Variants in PAPOLA observed in about 807,000 individuals in gnomAD.
PAPOLA encodes the protein poly(A) polymerase alpha.
Under a neutral mutation model 100.6 loss-of-function variants are expected in PAPOLA, and 15 were observed. The observed-to-expected ratio is 0.15, with a 90% confidence interval of 0.10 to 0.23. PAPOLA has a LOEUF of 0.23. Ranked by LOEUF, PAPOLA falls within the 10% of genes least tolerant of loss-of-function variation. PAPOLA has a pLI of 1.00. For missense variants in PAPOLA, 533 were observed against 884.2 expected, an observed-to-expected ratio of 0.60 and a Z score of 5.04; for synonymous variants, 293 against 300.0, an observed-to-expected ratio of 0.98 and a Z score of 0.24.
Position 96,525,393 on chromosome 14 carries a change from T to G in PAPOLA, c.331+2T>G. The G allele has an allele frequency of 7.9e-7, 1 of 1,259,980 alleles. No homozygotes were observed. The highest frequency in any genetic ancestry group is 1.1e-6 in the Non-Finnish European group (1 of 886,468). 78.1% of individuals were successfully genotyped at this position (1,259,980 alleles called of 1,614,324 possible). A position where few individuals can be genotyped will look rare whatever the true frequency, so the allele number is the denominator to read the frequency against. On this transcript the variant is annotated splice_donor_variant, in intron 4 of 21. Transcript: ENST00000216277. LOFTEE classifies it high-confidence loss of function. ...ACAGATTAGGAGTGCATACAAAAGGTAAGTATTATTTCATTTTTCTTAGAA... is the reference window on the plus strand; with the variant it reads ...ACAGATTAGGAGTGCATACAAAAGGGAAGTATTATTTCATTTTTCTTAGAA...
chr14:96,556,342 C>T lies in PAPOLA; in HGVS notation c.1933C>T (p.Pro645Ser), dbSNP rs1443409337. Reference protein sequence around the residue: ...SGNAATKIPTPIVGVKRTSSP... With the variant: ...SGNAATKIPTSIVGVKRTSSP... ...AAATGCAGCAACAAAAATACCTACT[C>T]CTATAGTAGGAGTCAAGAGGACATC... Residue 645 changes from proline to serine, a missense_variant, in exon 19 of 22, where the codon CCT becomes TCT. This residue lies in a region of PAPOLA where 242 missense variants were observed against 281.0 expected (regional missense o/e 0.86). Transcript: ENST00000216277. 5 of 1,613,716 alleles carry T rather than the reference C, an allele frequency of 3.1e-6. No homozygotes were observed. The African/African-American group carries it at 4.0e-5, about 13-fold the overall frequency.
chr14:96,547,136 C>T (rs1027799093), intron 15 of PAPOLA, among the ~76,000 whole-genome samples: 10 of 152,164 alleles, frequency 6.6e-5, no homozygotes, highest in East Asian at 5.8e-4. Flanking sequence ...TTTGAGGCTA[C>T]GTTGGTCTTT....
intron 1 of PAPOLA, among the ~76,000 whole-genome samples, chr14:96,505,059 AC>A (rs1473920889): frequency 2.0e-5 from 3 of 152,148 alleles, no homozygotes; most frequent in Admixed American, 2.0e-4. Flanking sequence ...CTACAAACAT[AC>A]TTTTGGAAAG....
At chr14:96,522,956 G>A (rs1435932812) in intron 3 of PAPOLA, among the ~76,000 whole-genome samples, 1 of 152,008 alleles carries the variant, frequency 6.6e-6, no homozygotes, top group African/African-American at 2.4e-5. Context: ...AGGGAGACAG[G>A]GTGTCAACTT....
intron 1 of PAPOLA, among the ~76,000 whole-genome samples, chr14:96,508,412 T>C (rs1896881188): frequency 6.6e-6 from 1 of 152,246 alleles, no homozygotes; most frequent in South Asian, 2.1e-4. Context: ...TGTGGTGTTC[T>C]GCCTTAAACA....
At chr14:96,506,345 A>C (rs900603806) in intron 1 of PAPOLA, among the ~76,000 whole-genome samples, 6 of 152,216 alleles carry the variant, frequency 3.9e-5, no homozygotes, top group Non-Finnish European at 8.8e-5. Flanking sequence ...GAAGCTGTAT[A>C]CTGGGGAGTA....
chr14:96,542,127 C>T, intron 12 of PAPOLA, 116 bp from the exon 13 acceptor site: 3 of 553,900 alleles, frequency 5.4e-6, no homozygotes, highest in East Asian at 3.0e-5. Flanking sequence ...GATTGTAGTC[C>T]CCCTTGCTAA....
intron 17 of PAPOLA, among the ~76,000 whole-genome samples, chr14:96,553,810 G>A (rs1488902433): frequency 6.6e-6 from 1 of 152,146 alleles, no homozygotes; most frequent in African/African-American, 2.4e-5. Flanking sequence ...ACCACGCCCG[G>A]CCTGTATTAC....
At chr14:96,534,805 TTTTAA>T in intron 10 of PAPOLA, 1 of 1,263,758 alleles carries the variant, frequency 7.9e-7, no homozygotes, top group Non-Finnish European at 1.0e-6. Context: ...TTTACTAACA[TTTTAA>T]TTTATTCTAT....
intron 1 of PAPOLA, among the ~76,000 whole-genome samples, chr14:96,504,000 T>A (rs914364258): frequency 1.3e-5 from 2 of 152,228 alleles, no homozygotes; most frequent in Non-Finnish European, 2.9e-5. Flanking sequence ...ACTATACAGG[T>A]CTAAAATCTT....
At chr14:96,519,609 G>GT (rs1333908449) in intron 1 of PAPOLA, among the ~76,000 whole-genome samples, 2 of 151,990 alleles carry the variant, frequency 1.3e-5, no homozygotes, top group African/African-American at 2.4e-5. Context: ...TTCAAATTTT[G>GT]TTTAAGTTTT....
intron 6 of PAPOLA, among the ~76,000 whole-genome samples, chr14:96,529,867 A>G (rs1442615263): frequency 6.6e-6 from 1 of 152,216 alleles, no homozygotes; most frequent in East Asian, 1.9e-4. Flanking sequence ...CCTTTCCTTT[A>G]GAAAAGAAAC....
intron 20 of PAPOLA, among the ~76,000 whole-genome samples, chr14:96,560,919 G>A (rs1901789855): frequency 1.3e-5 from 2 of 152,144 alleles, no homozygotes; most frequent in Admixed American, 6.6e-5. Flanking sequence ...TTATAATTAA[G>A]TAGACAAGAT....
Position 96,566,475 on chromosome 14 carries a change from G to GT in PAPOLA, c.*1425_*1426insT, listed in dbSNP as rs1217957461. On this transcript the variant is annotated 3_prime_UTR_variant, in exon 22 of 22. Coordinates refer to ENST00000216277, the MANE Select transcript of PAPOLA (RefSeq NM_032632.5). Reference sequence around the variant, plus strand: ...GATTTTTCTGATGAGCATGTTTTATGAATCCTCCATTGTGCTCCATTCTAT... The same window carrying GT: ...GATTTTTCTGATGAGCATGTTTTATGTAATCCTCCATTGTGCTCCATTCTAT... The GT allele has an allele frequency of 1.3e-5, 2 of 152,508 alleles. No individual in the cohort carries two copies. The highest frequency in any genetic ancestry group is 4.8e-5 in the African/African-American group (2 of 41,424). 9.4% of individuals were successfully genotyped at this position (152,508 alleles called of 1,614,324 possible).
chr14:96,559,581 C>CTCTCTCTCTCTCTCTA (rs370979875), intron 19 of PAPOLA, among the ~76,000 whole-genome samples: 24 of 120,176 alleles, frequency 2.0e-4, no homozygotes, highest in African/African-American at 6.4e-4. Flanking sequence ...CTCTCTCTCT[C>CTCTCTCTCTCTCTCTA]TATATATATA....
At chr14:96,512,008 T>C (rs1049862514) in intron 1 of PAPOLA, among the ~76,000 whole-genome samples, 10 of 152,236 alleles carry the variant, frequency 6.6e-5, no homozygotes, top group African/African-American at 2.4e-4. Context: ...AATTATTGTT[T>C]TAATTTGAAG....
chr14:96,560,780 A>G, intron 20 of PAPOLA, 69 bp downstream of exon 20: 1 of 1,003,852 alleles, frequency 1.0e-6, no homozygotes, highest in East Asian at 2.4e-5. Flanking sequence ...AAATGTCTCT[A>G]AAATATTGTA....
At position 96,543,583 on chromosome 14, in the gene PAPOLA, TAA is replaced by T. The variant is rs201339606; in HGVS notation, c.1290-565_1290-564del. ...TAGATTTTTTTATTTTGTAATTATA[TAA>T]GAGTTTTTTTACATTTTGTGGTAAT... On this transcript the variant is annotated intron_variant, in intron 14 of 21. Transcript: ENST00000216277. Among the ~76,000 whole-genome samples the T allele has an allele frequency of 8.6e-3, 1,278 of 149,404 alleles. 19 individuals are homozygous for T. Among genetic ancestry groups the T allele is most frequent in the African/African-American group, 0.029 (1,192 of 41,156 alleles).
In PAPOLA at chr14:96,566,451, A is replaced by G. The variant is rs776164355; in HGVS notation, c.*1401A>G. 4 of 152,528 alleles carry G rather than the reference A, an allele frequency of 2.6e-5. No homozygotes were observed. Among genetic ancestry groups the G allele is most frequent in the Non-Finnish European group, 4.4e-5 (3 of 68,012 alleles). 9.4% of individuals were successfully genotyped at this position (152,528 alleles called of 1,614,324 possible). On this transcript the variant is annotated 3_prime_UTR_variant, in exon 22 of 22. Transcript: ENST00000216277. The stretch of plus-strand genomic sequence containing the variant: ...AATCTGGACAAAGTCGACTTAACAG[A>G]TTTTTCTGATGAGCATGTTTTATGA...
Sources: allele counts gnomAD v4.1 joint callset (sites outside exome capture counted in the v4.1 genomes callset), GRCh38; gene constraint gnomAD v4.1.1; regional missense constraint gnomAD v4.1.1; transcripts MANE v1.5; gene names NCBI Gene and HGNC (gene_info 2026-07-23, HGNC 2026-07-21).